The following PLEKHO2 variants were observed in gnomAD, a reference collection of about 807,000 sequenced individuals.
PLEKHO2 encodes pleckstrin homology domain-containing family O member 2.
Under a neutral mutation model 32.7 loss-of-function variants are expected in PLEKHO2, and 20 were observed. That is an observed-to-expected ratio of 0.61 (90% CI 0.43 to 0.89). The LOEUF is 0.89. PLEKHO2 is among the 40% of genes least tolerant of loss of function. The pLI is 0.00. For synonymous variants in PLEKHO2, 247 were observed against 246.3 expected (o/e 1.00, Z -0.03); for missense variants, 568 against 621.2 (o/e 0.91, Z 0.91).
In PLEKHO2 at chr15:64,867,950, C is replaced by G. The variant is rs2140348741; in HGVS notation, c.*2062C>G. 6.6e-6 allele frequency: 1 copy of G among 152,282 alleles called. No individual in the cohort carries two copies. 9.4% of individuals were successfully genotyped at this position (152,282 alleles called of 1,614,324 possible). A position where few individuals can be genotyped will look rare whatever the true frequency, so the allele number is the denominator to read the frequency against. On this transcript the variant is annotated 3_prime_UTR_variant, in exon 6 of 6. Coordinates refer to ENST00000323544, the MANE Select transcript of PLEKHO2 (RefSeq NM_025201.5). ...TGAGGAGGGTGGCATTCTGTGTCTT[C>G]TGCTTATGAAGCGCCTTTCTTAAAG...
intron 2 of PLEKHO2, among the ~76,000 whole-genome samples, chr15:64,849,448 C>CT (rs35854011): frequency 0.2 from 27,009 of 134,344 alleles, 3,300 homozygotes; most frequent in East Asian, 0.75. Flanking sequence ...GCCTGGCCCT[C>CT]TTTTTTTTTT....
At chr15:64,860,560 A>ATCACG (rs1452842725) in intron 4 of PLEKHO2, among the ~76,000 whole-genome samples, 2 of 152,256 alleles carry the variant, frequency 1.3e-5, no homozygotes, top group Non-Finnish European at 2.9e-5. Flanking sequence ...TGTCTTTGAC[A>ATCACG]TCACGGATCT....
chr15:64,848,881 A>G, intron 2 of PLEKHO2, 139 bp downstream of exon 2: 3 of 973,850 alleles, frequency 3.1e-6, no homozygotes, highest in East Asian at 4.8e-5. Flanking sequence ...TTGAGCGAGT[A>G]CCTAATCCTC....
At position 64,853,238 on chromosome 15, in the gene PLEKHO2, G is replaced by C. The variant is rs547480894; in HGVS notation, c.163-1683G>C. 8.8e-4 allele frequency among the ~76,000 whole-genome samples: 133 copies of C among 151,848 alleles called. 1 individual carries two copies. The highest frequency in any genetic ancestry group is 3.0e-3 in the African/African-American group (123 of 41,406). The stretch of plus-strand genomic sequence containing the variant: ...CCACCCTCTTAGGTGTAATGATTGA[G>C]TGGGGATGAGGCCTGGGGGTTTGCA... On this transcript the variant is annotated intron_variant, in intron 2 of 5. Transcript: ENST00000323544.
chr15:64,861,415 C>A, intron 4 of PLEKHO2, 62 bp from the exon 5 acceptor site: 1 of 1,356,460 alleles, frequency 7.4e-7, no homozygotes, highest in East Asian at 2.6e-5. Context: ...CAGGTCCGCC[C>A]TGGCTACTTC....
rs1332475973 is a variant in PLEKHO2 at position 64,848,604 on chromosome 15, A to G, written c.24A>G (p.Glu8=). 1 of 1,614,170 alleles carries G rather than the reference A, an allele frequency of 6.2e-7. No individual in the cohort carries two copies. The highest frequency in any genetic ancestry group is 1.7e-5 in the Admixed American group (1 of 60,020). Residue 8 remains glutamate, a synonymous_variant, in exon 2 of 6, where the codon GAA becomes GAG. Transcript: ENST00000323544. ...GTGCTGTGTTACAGGGTGTGAAGGAAGCCGGTGAGAAGCCTCGGGGAGCAC... is the reference window on the plus strand; with the variant it reads ...GTGCTGTGTTACAGGGTGTGAAGGAGGCCGGTGAGAAGCCTCGGGGAGCAC... The part of the protein sequence containing the change: MEEEGVK[E]AGEKPRGAQM...
intron 2 of PLEKHO2, among the ~76,000 whole-genome samples, chr15:64,853,761 G>A (rs1038931310): frequency 6.6e-6 from 1 of 152,154 alleles, no homozygotes; most frequent in African/African-American, 2.4e-5. Flanking sequence ...TTTGAGTTGG[G>A]GCCCTGCCCC....
intron 1 of PLEKHO2, among the ~76,000 whole-genome samples, chr15:64,847,320 TG>T (rs1470444052): frequency 6.6e-6 from 1 of 152,184 alleles, no homozygotes; most frequent in Non-Finnish European, 1.5e-5. Flanking sequence ...CTCTTTTAAC[TG>T]GGGCCCCTTT....
rs1044676830 is a variant in PLEKHO2, at chr15:64,864,963, C to A, written c.548C>A (p.Pro183Gln). 1 of 1,614,098 alleles carries A rather than the reference C, an allele frequency of 6.2e-7. No homozygotes were observed. ...CTTGATGTTCCGGACAGTGGGCCAC[C>A]AGTGTTTGCCCCCAGCAATCATGTC... is the stretch of plus-strand genomic sequence containing the variant. Reference protein sequence around the residue: ...LDLDVPDSGPPVFAPSNHVSE... With the variant: ...LDLDVPDSGPQVFAPSNHVSE... The change falls in exon 6 of 6, where the codon CCA becomes CAA. Residue 183 changes from proline (P) to glutamine (Q), a missense_variant. Physicochemically the swap from Pro to Gln is moderately conservative, Grantham distance 76. Coordinates refer to ENST00000323544, the MANE Select transcript of PLEKHO2 (RefSeq NM_025201.5).
intron 2 of PLEKHO2, among the ~76,000 whole-genome samples, chr15:64,851,934 A>C (rs112690341): frequency 6.6e-6 from 1 of 152,064 alleles, no homozygotes; most frequent in Non-Finnish European, 1.5e-5. Context: ...ATTCCCGGGG[A>C]GGAGGAGACT....
At chr15:64,861,616 C>A (rs1269753843) in intron 5 of PLEKHO2, 41 bp downstream of exon 5, 2 of 1,489,018 alleles carry the variant, frequency 1.3e-6, no homozygotes, top group Admixed American at 4.4e-5. Flanking sequence ...TTAGTTGAGC[C>A]TAGGACCTCA....
At position 64,865,285 on chromosome 15, in the gene PLEKHO2, G is replaced by A. The variant is rs150265345; in HGVS notation, c.870G>A (p.Pro290=). The change falls in exon 6 of 6, where the codon CCG becomes CCA. Residue 290 remains proline, a synonymous_variant. Transcript: ENST00000323544. ...QEAPAAESAE[P]SQAPCSETSE... ...CCCCTGCTGCAGAGAGTGCAGAACC[G>A]TCCCAGGCACCCTGTTCTGAGACTT... The A allele has an allele frequency of 1.9e-4, 301 of 1,613,776 alleles. 1 individual carries two copies. Among genetic ancestry groups the A allele is most frequent in the African/African-American group, 2.5e-4 (19 of 75,008 alleles).
chr15:64,845,085 A>G (rs991305530), intron 1 of PLEKHO2, among the ~76,000 whole-genome samples: 1 of 152,178 alleles, frequency 6.6e-6, no homozygotes, highest in Non-Finnish European at 1.5e-5. Context: ...TTTGTCAAAG[A>G]GCAAAGGTTG....
chr15:64,846,160 G>T (rs1300939184), intron 1 of PLEKHO2, among the ~76,000 whole-genome samples: 3 of 152,168 alleles, frequency 2.0e-5, no homozygotes, highest in Non-Finnish European at 4.4e-5. Flanking sequence ...GGCCCTGGGG[G>T]TGTCAGTGGT....
chr15:64,851,115 AGTTT>A (rs1208777876), intron 2 of PLEKHO2, among the ~76,000 whole-genome samples: 1 of 152,062 alleles, frequency 6.6e-6, no homozygotes, highest in East Asian at 1.9e-4. Context: ...TGGCTCGTGG[AGTTT>A]GTTTGGGTGT....
Position 64,861,497 on chromosome 15 carries a change from C to T in PLEKHO2, c.405C>T (p.Cys135=), listed in dbSNP as rs751799172. 7.5e-6 allele frequency: 12 copies of T among 1,604,682 alleles called. No individual in the cohort carries two copies. The highest frequency in any genetic ancestry group is 2.7e-5 in the African/African-American group (2 of 74,902). Residue 135 remains cysteine (C), a synonymous_variant, in exon 5 of 6, where the codon TGC becomes TGT. Coordinates refer to ENST00000323544, the MANE Select transcript of PLEKHO2 (RefSeq NM_025201.5). ...TCCAGGTAAAGGTGGACAAGAGCTG[C>T]GCCCTGGAGCATGTGACACGGGACC... is the stretch of plus-strand genomic sequence containing the variant. The part of the protein sequence containing the change: ...AFDEVKVDKS[C]ALEHVTRDRV...
At chr15:64,849,647 T>C (rs1047348736) in intron 2 of PLEKHO2, among the ~76,000 whole-genome samples, 1 of 149,588 alleles carries the variant, frequency 6.7e-6, no homozygotes, top group Non-Finnish European at 1.5e-5. Context: ...TTCACCCTGT[T>C]GGCCAGGCTG....
In PLEKHO2 at chr15:64,848,579, G is replaced by A. The variant is rs775857207; in HGVS notation, c.13-14G>A. On this transcript the variant is annotated splice_polypyrimidine_tract_variant and intron_variant, in intron 1 of 5. Coordinates refer to ENST00000323544, the MANE Select transcript of PLEKHO2 (RefSeq NM_025201.5). ...GTAGCAACCCTCATGGTATGAACTGGTGCTGTGTTACAGGGTGTGAAGGAA... is the reference window on the plus strand; with the variant it reads ...GTAGCAACCCTCATGGTATGAACTGATGCTGTGTTACAGGGTGTGAAGGAA... 1.9e-6 allele frequency: 3 copies of A among 1,614,110 alleles called. No homozygotes were observed. The highest frequency in any genetic ancestry group is 1.6e-4 in the Middle Eastern group (1 of 6,062).
At chr15:64,852,702 C>A (rs2036587200) in intron 2 of PLEKHO2, among the ~76,000 whole-genome samples, 1 of 151,820 alleles carries the variant, frequency 6.6e-6, no homozygotes, top group Non-Finnish European at 1.5e-5. Flanking sequence ...CTCTCTGCAG[C>A]CTCCGCCTCC....
Sources: gnomAD v4.1 joint callset for allele counts (sites outside exome capture counted in the v4.1 genomes callset) on GRCh38, gnomAD v4.1.1 for gene constraint, MANE v1.5 for transcripts, NCBI Gene and HGNC (gene_info 2026-07-23, HGNC 2026-07-21) for gene names.